STOX2: variants seen among roughly 807,000 people sequenced by gnomAD.
STOX2 encodes the protein storkhead box 2.
In STOX2, 28 loss-of-function variants were observed where a neutral mutation model predicts 60.9. The observed-to-expected ratio is 0.46, with a 90% CI of 0.34 to 0.63. The LOEUF is 0.63. Ranked by LOEUF, STOX2 falls within the 30% of genes least tolerant of loss-of-function variation. The pLI is 0.01. For missense variants in STOX2, 1,024 were observed against 1,187.7 expected (o/e 0.86, Z 2.03); for synonymous variants, 472 against 463.9 (o/e 1.02, Z -0.22).
intron 1 of STOX2, among the ~76,000 whole-genome samples, chr4:183,846,801 C>T (rs1340573954): frequency 5.3e-5 from 8 of 151,796 alleles, no homozygotes; most frequent in South Asian, 2.1e-4. Flanking sequence ...TTTTCCTGTG[C>T]GTGGGTCATA....
intron 1 of STOX2, chr4:183,798,521 C>G (rs963866462): frequency 1.5e-6 from 1 of 686,944 alleles, no homozygotes; most frequent in Non-Finnish European, 1.8e-6. Context: ...CCCGGGACGC[C>G]CTTCCCTGGG....
At chr4:183,942,354 T>TA (rs1215244920) in intron 1 of STOX2, among the ~76,000 whole-genome samples, 5 of 140,852 alleles carry the variant, frequency 3.5e-5, no homozygotes, top group African/African-American at 1.3e-4. Flanking sequence ...TTTTTTTTTT[T>TA]AGACAAAACC....
At chr4:183,953,081 TA>T in intron 1 of STOX2, among the ~76,000 whole-genome samples, 1 of 152,140 alleles carries the variant, frequency 6.6e-6, no homozygotes, top group East Asian at 1.9e-4. Flanking sequence ...GAGAAATACC[TA>T]ATGTAGATGA....
intron 1 of STOX2, chr4:183,988,228 A>G (rs769441594): frequency 6.6e-5 from 10 of 152,032 alleles, no homozygotes; most frequent in Admixed American, 3.3e-4. Flanking sequence ...TGGGCAGGGC[A>G]GTGAGAAGTC....
intron 1 of STOX2, among the ~76,000 whole-genome samples, chr4:183,999,586 G>A (rs763761067): frequency 7.9e-5 from 12 of 152,142 alleles, no homozygotes; most frequent in African/African-American, 2.7e-4. Context: ...AAAGGGGGGC[G>A]TTGAACTGAG....
In STOX2 at chr4:184,019,526, A is replaced by G. The variant is rs1032478793; in HGVS notation, c.*2242A>G. Reference sequence around the variant, plus strand: ...TGAAAGTAGCCATTGAAATAATCGAATACTGTGTGAACAGGAAAGGAAAGC... The same window carrying G: ...TGAAAGTAGCCATTGAAATAATCGAGTACTGTGTGAACAGGAAAGGAAAGC... On this transcript the variant is annotated 3_prime_UTR_variant, in exon 4 of 4. Transcript: ENST00000308497. The G allele has an allele frequency of 2.0e-5, 3 of 152,238 alleles. No individual in the cohort carries two copies. Among genetic ancestry groups the G allele is most frequent in the African/African-American group, 7.2e-5 (3 of 41,468 alleles). 9.4% of individuals were successfully genotyped at this position (152,238 alleles called of 1,614,324 possible).
intron 1 of STOX2, among the ~76,000 whole-genome samples, chr4:183,957,387 G>T (rs1247174278): frequency 1.3e-5 from 2 of 152,128 alleles, no homozygotes; most frequent in Non-Finnish European, 2.9e-5. Context: ...TCATGCATCA[G>T]TAATTCTTGC....
chr4:183,883,770 A>T (rs1741011394), intron 1 of STOX2, among the ~76,000 whole-genome samples: 1 of 152,190 alleles, frequency 6.6e-6, no homozygotes, highest in Non-Finnish European at 1.5e-5. Flanking sequence ...GAAATGTGAC[A>T]CGACTTTACA....
At chr4:183,837,493 C>T (rs1374440151) in intron 1 of STOX2, among the ~76,000 whole-genome samples, 1 of 151,508 alleles carries the variant, frequency 6.6e-6, no homozygotes, top group Non-Finnish European at 1.5e-5. Flanking sequence ...GAGTCTCTCT[C>T]TGTCACTCAG....
At chr4:183,811,827 G>C (rs948822536) in intron 1 of STOX2, among the ~76,000 whole-genome samples, 2 of 151,998 alleles carry the variant, frequency 1.3e-5, no homozygotes, top group African/African-American at 4.8e-5. Flanking sequence ...ATAAGGTTCA[G>C]AAAGCTCCAA....
chr4:183,860,442 C>CAAAAA (rs35753992), intron 1 of STOX2, among the ~76,000 whole-genome samples: 11 of 121,528 alleles, frequency 9.1e-5, no homozygotes, highest in Admixed American at 1.8e-4. Context: ...AAACAAAAAA[C>CAAAAA]AAAAAAAAAA....
chr4:183,959,504 G>A (rs1743352533), intron 1 of STOX2, among the ~76,000 whole-genome samples: 1 of 152,114 alleles, frequency 6.6e-6, no homozygotes, highest in South Asian at 2.1e-4. Flanking sequence ...GTGCATTTTG[G>A]TGATCAAATC....
chr4:183,937,077 ATGC>A (rs1742608711), intron 1 of STOX2, among the ~76,000 whole-genome samples: 1 of 152,214 alleles, frequency 6.6e-6, no homozygotes, highest in Non-Finnish European at 1.5e-5. Context: ...ATATATTTTT[ATGC>A]ACTCAGGGCA....
intron 1 of STOX2, among the ~76,000 whole-genome samples, chr4:183,995,048 T>C (rs2111212645): frequency 6.6e-6 from 1 of 152,306 alleles, no homozygotes; most frequent in Middle Eastern, 3.4e-3. Flanking sequence ...TCTTACACAG[T>C]TGTATGAGGA....
intron 1 of STOX2, among the ~76,000 whole-genome samples, chr4:183,918,856 C>T (rs1194665613): frequency 1.3e-5 from 2 of 152,176 alleles, no homozygotes; most frequent in Admixed American, 6.5e-5. Flanking sequence ...GGAGGAGCAG[C>T]GTGGGTTTTC....
chr4:183,982,303 C>G (rs1442733542), intron 1 of STOX2, among the ~76,000 whole-genome samples: 1 of 152,198 alleles, frequency 6.6e-6, no homozygotes, highest in Non-Finnish European at 1.5e-5. Flanking sequence ...CTCTCTAATA[C>G]TTGTAAGAAC....
At position 184,001,353 on chromosome 4, in the gene STOX2, C is replaced by T; in HGVS notation, c.195C>T (p.Pro65=). 1 of 1,613,910 alleles carries T rather than the reference C, an allele frequency of 6.2e-7. No individual in the cohort carries two copies. Among genetic ancestry groups the T allele is most frequent in the Non-Finnish European group, 8.5e-7 (1 of 1,179,862 alleles). ...ATGTATCACCCATCAGTATGTCTCC[C>T]ATCAGTCAGTCTCAGTTTATTCCAC... The part of the protein sequence containing the change: ...SGDVSPISMS[P]ISQSQFIPLG... The change falls in exon 2 of 4, where the codon CCC becomes CCT. Residue 65 remains proline, a synonymous_variant. Coordinates refer to ENST00000308497, the MANE Select transcript of STOX2 (RefSeq NM_020225.3). This position sits in a 1 kb window ranked among gnomAD's most constrained non-coding sequence, Gnocchi z 4.2.
intron 1 of STOX2, among the ~76,000 whole-genome samples, chr4:183,913,163 G>A (rs1005288373): frequency 6.6e-6 from 1 of 152,140 alleles, no homozygotes; most frequent in African/African-American, 2.4e-5. Context: ...ATTTGGGGAA[G>A]GTTGAGGAAG....
At chr4:183,820,397 A>T (rs1248686345) in intron 1 of STOX2, among the ~76,000 whole-genome samples, 2 of 152,082 alleles carry the variant, frequency 1.3e-5, no homozygotes, top group Admixed American at 6.5e-5. Context: ...TCTCTCATTG[A>T]TGTCATTGTC....
Sources: allele counts gnomAD v4.1 joint callset (sites outside exome capture counted in the v4.1 genomes callset), GRCh38; gene constraint gnomAD v4.1.1; non-coding constraint Gnocchi (gnomAD v3.1); transcripts MANE v1.5; gene names NCBI Gene and HGNC (gene_info 2026-07-23, HGNC 2026-07-21).